The following TEX11 variants were observed in gnomAD, a reference collection of about 807,000 sequenced individuals.
TEX11 encodes testis-expressed protein 11.
A neutral mutation model predicts 84.4 loss-of-function variants in TEX11; 7 were observed. The observed-to-expected ratio is 0.08, with a 90% CI of 0.05 to 0.16. The LOEUF is 0.16. Ranked by LOEUF, TEX11 falls within the 10% of genes least tolerant of loss-of-function variation. TEX11 has a pLI of 1.00. For missense variants in TEX11, 551 were observed against 660.5 expected (o/e 0.83, Z 1.82); for synonymous variants, 264 against 222.8 (o/e 1.18, Z -1.64).
chrX:70,838,561 C>T (rs779083690), intron 7 of TEX11, among the ~76,000 whole-genome samples: 2 of 112,636 alleles, frequency 1.8e-5, no homozygotes, highest in East Asian at 2.8e-4. Context: ...GTGTGAGCGA[C>T]GCAGAAGATG....
intron 9 of TEX11, among the ~76,000 whole-genome samples, chrX:70,788,955 TATATATATATATATATATAG>T (rs1261890381): frequency 4.8e-5 from 2 of 41,861 alleles, no homozygotes; most frequent in East Asian, 8.2e-4. Flanking sequence ...TATATATATA[TATATATATATATATATATAG>T]AGAGAGAGAG....
In TEX11 at chrX:70,762,989, G is replaced by A. The variant is rs1199154065; in HGVS notation, c.693-18770C>T. 4.5e-5 allele frequency among the ~76,000 whole-genome samples: 5 copies of A among 111,928 alleles called. No individual in the cohort carries two copies. The East Asian group carries it at 1.1e-3, about 25-fold the overall frequency. ...GCACAGGTTGCAGTGAGCCAAGATCGTACCACTGCACTCCAGCCTGGAAGA... is the reference window on the plus strand; with the variant it reads ...GCACAGGTTGCAGTGAGCCAAGATCATACCACTGCACTCCAGCCTGGAAGA... On this transcript the variant is annotated intron_variant, in intron 9 of 29. Transcript: ENST00000374333.
chrX:70,734,199 T>A (rs1305156041), intron 11 of TEX11, among the ~76,000 whole-genome samples: 1 of 110,456 alleles, frequency 9.1e-6, no homozygotes, highest in Non-Finnish European at 1.9e-5. Context: ...ATATACCTAA[T>A]GTTAAATGAC....
chrX:70,858,725 T>C (rs746498613), intron 5 of TEX11, among the ~76,000 whole-genome samples: 32 of 111,764 alleles, frequency 2.9e-4, no homozygotes, highest in African/African-American at 1.0e-3. Context: ...ATTATACATG[T>C]TGAATTTGCT....
chrX:70,676,924 G>T (rs1318122010), intron 15 of TEX11, among the ~76,000 whole-genome samples: 1 of 111,111 alleles, frequency 9.0e-6, no homozygotes, highest in African/African-American at 3.3e-5. Context: ...GTTTGATTTG[G>T]GTCTTTACGT....
intron 2 of TEX11, among the ~76,000 whole-genome samples, chrX:70,904,322 C>T (rs1429154890): frequency 2.7e-5 from 3 of 111,533 alleles, no homozygotes; most frequent in African/African-American, 9.8e-5. Context: ...AGTACACCAA[C>T]TTCACTAGTT....
chrX:70,569,371 G>T (rs758283454), intron 25 of TEX11, among the ~76,000 whole-genome samples: 26 of 111,891 alleles, frequency 2.3e-4, no homozygotes, highest in Non-Finnish European at 1.9e-5. Context: ...GTAGCTCAGA[G>T]TAGTTTGATT....
chrX:70,817,247 A>G (rs2091292555), intron 8 of TEX11, among the ~76,000 whole-genome samples: 1 of 86,501 alleles, frequency 1.2e-5, no homozygotes, highest in Non-Finnish European at 2.3e-5. Flanking sequence ...ACACACACAT[A>G]TATATATACA....
At chrX:70,683,993 AT>A (rs1279792004) in intron 13 of TEX11, among the ~76,000 whole-genome samples, 5 of 110,370 alleles carry the variant, frequency 4.5e-5, no homozygotes, top group Non-Finnish European at 9.4e-5. Context: ...GGAAAACGGG[AT>A]TTCCACATGC....
At chrX:70,575,470 G>A (rs753471484) in intron 25 of TEX11, among the ~76,000 whole-genome samples, 27 of 111,279 alleles carry the variant, frequency 2.4e-4, no homozygotes, top group African/African-American at 8.8e-4. Context: ...CCTTAAAAAA[G>A]AGGCTTCCAC....
At chrX:70,737,373 T>C (rs1055819771) in intron 11 of TEX11, among the ~76,000 whole-genome samples, 5 of 110,956 alleles carry the variant, frequency 4.5e-5, no homozygotes, top group Non-Finnish European at 9.4e-5. Context: ...TCAGGCAGCC[T>C]AATACATGGT....
chrX:70,716,071 G>T (rs2090497896), intron 13 of TEX11, among the ~76,000 whole-genome samples: 2 of 108,355 alleles, frequency 1.8e-5, no homozygotes, highest in African/African-American at 6.7e-5. Flanking sequence ...GACCCTGTTT[G>T]CCTGGGTATC....
At chrX:70,829,265 T>TG (rs1406418126) in intron 8 of TEX11, among the ~76,000 whole-genome samples, 2 of 111,397 alleles carry the variant, frequency 1.8e-5, no homozygotes, top group African/African-American at 6.5e-5. Context: ...GTGGATCGCC[T>TG]GAGGTCAGGA....
At chrX:70,693,879 C>G (rs1318547502) in intron 13 of TEX11, among the ~76,000 whole-genome samples, 2 of 111,263 alleles carry the variant, frequency 1.8e-5, no homozygotes, top group Non-Finnish European at 3.8e-5. Context: ...TATTGTTCAC[C>G]TTGACTGTAT....
chrX:70,568,055 T>A lies in TEX11; in HGVS notation c.2141-13255A>T, dbSNP rs111889836. Among the ~76,000 whole-genome samples, 810 of 111,522 alleles carry A rather than the reference T, an allele frequency of 7.3e-3. 4 individuals are homozygous for A. Among genetic ancestry groups the A allele is most frequent in the African/African-American group, 0.019 (577 of 30,695 alleles). ...GTGGGAGTCTAAGTCTCTTTGTAGGTCACTCAGGAGTTGCTTTATGAATCA... is the reference window on the plus strand; with the variant it reads ...GTGGGAGTCTAAGTCTCTTTGTAGGACACTCAGGAGTTGCTTTATGAATCA... On this transcript the variant is annotated intron_variant, in intron 25 of 29. Transcript: ENST00000374333.
Position 70,593,429 on chromosome X carries a change from C to T in TEX11, c.2068-1606G>A, listed in dbSNP as rs756565882. On this transcript the variant is annotated intron_variant, in intron 24 of 29. Coordinates refer to ENST00000374333, the MANE Select transcript of TEX11 (RefSeq NM_031276.3). ...ATGGGGAGATCAGTACCCAAAGATACTACAACATATTATCTAAAACGTCCA... is the reference window on the plus strand; with the variant it reads ...ATGGGGAGATCAGTACCCAAAGATATTACAACATATTATCTAAAACGTCCA... Among the ~76,000 whole-genome samples the T allele has an allele frequency of 3.6e-5, 4 of 111,791 alleles. No individual in the cohort carries two copies. In the South Asian group the frequency reaches 1.5e-3, roughly 42 times the overall value.
At chrX:70,622,785 G>A (rs1037979529) in intron 20 of TEX11, among the ~76,000 whole-genome samples, 1 of 111,337 alleles carries the variant, frequency 9.0e-6, no homozygotes, top group Non-Finnish European at 1.9e-5. Context: ...TTATCTCCTT[G>A]ATACCTCCAC....
chrX:70,893,097 T>C (rs2091747747), intron 2 of TEX11, among the ~76,000 whole-genome samples: 1 of 110,973 alleles, frequency 9.0e-6, no homozygotes, highest in South Asian at 3.8e-4. Flanking sequence ...CACACAATAA[T>C]AGTGGGAGAC....
chrX:70,694,912 C>G (rs764573667), intron 13 of TEX11, among the ~76,000 whole-genome samples: 1 of 111,267 alleles, frequency 9.0e-6, no homozygotes, highest in South Asian at 3.8e-4. Flanking sequence ...ACTGATTCAT[C>G]CCTGTAAGGA....
Sources: gnomAD v4.1 joint callset for allele counts (sites outside exome capture counted in the v4.1 genomes callset) on GRCh38, gnomAD v4.1.1 for gene constraint, MANE v1.5 for transcripts, NCBI Gene and HGNC (gene_info 2026-07-23, HGNC 2026-07-21) for gene names.